CNTNAP5: variants seen among roughly 807,000 people sequenced by gnomAD.
CNTNAP5 encodes the protein contactin associated protein family member 5, also known as contactin-associated protein-like 5.
A neutral mutation model predicts 150.2 loss-of-function variants in CNTNAP5; 72 were observed. The observed-to-expected ratio is 0.48, with a 90% CI of 0.40 to 0.58. The LOEUF (loss-of-function observed/expected upper bound fraction) is 0.58. Ranked by LOEUF, CNTNAP5 falls within the 20% of genes least tolerant of loss-of-function variation. The probability of loss-of-function intolerance (pLI) is 0.00; values close to 1 mark genes in which losing one functional copy is unlikely to be tolerated. For synonymous variants in CNTNAP5, 672 were observed against 619.8 expected (o/e 1.08, Z -1.25); for missense variants, 1,636 against 1,626.2 (o/e 1.01, Z -0.10).
chr2:124,332,387 A>C (rs533015304), intron 3 of CNTNAP5, among the ~76,000 whole-genome samples: 18 of 151,380 alleles, frequency 1.2e-4, no homozygotes, highest in South Asian at 1.0e-3. Flanking sequence ...ATTATTAGCA[A>C]TTGTAAACCA....
chr2:124,231,183 T>G (rs1686609396), intron 2 of CNTNAP5, among the ~76,000 whole-genome samples: 1 of 152,178 alleles, frequency 6.6e-6, no homozygotes, highest in Admixed American at 6.5e-5. Context: ...TCACTGAACC[T>G]TTTGTTATTT....
intron 1 of CNTNAP5, among the ~76,000 whole-genome samples, chr2:124,154,220 T>A (rs1054236364): frequency 1.3e-5 from 2 of 152,164 alleles, no homozygotes; most frequent in Admixed American, 1.3e-4. Flanking sequence ...TTATTCTATG[T>A]CTGAGCCAGA....
At chr2:124,077,121 A>G (rs901474843) in intron 1 of CNTNAP5, among the ~76,000 whole-genome samples, 5 of 152,174 alleles carry the variant, frequency 3.3e-5, no homozygotes, top group African/African-American at 9.7e-5. Flanking sequence ...GCACAGTGGC[A>G]TATACAATTA....
chr2:124,171,933 G>A (rs1390852122), intron 1 of CNTNAP5, among the ~76,000 whole-genome samples: 8 of 152,148 alleles, frequency 5.3e-5, no homozygotes, highest in Non-Finnish European at 1.0e-4. Context: ...TCAAAGGCTG[G>A]CCATAGGACC....
At chr2:124,570,149 C>T (rs550207833) in intron 11 of CNTNAP5, among the ~76,000 whole-genome samples, 49 of 152,268 alleles carry the variant, frequency 3.2e-4, no homozygotes, top group Admixed American at 9.8e-4. Flanking sequence ...ATCCCTGACA[C>T]ATAGTAGATA....
chr2:124,189,376 G>A (rs934828707), intron 1 of CNTNAP5, among the ~76,000 whole-genome samples: 4 of 152,124 alleles, frequency 2.6e-5, no homozygotes, highest in Admixed American at 2.0e-4. Context: ...ACCCTGTGAG[G>A]TTTGGAGGTG....
intron 4 of CNTNAP5, among the ~76,000 whole-genome samples, chr2:124,429,039 A>G (rs1337305273): frequency 6.6e-6 from 1 of 152,208 alleles, no homozygotes; most frequent in Non-Finnish European, 1.5e-5. Flanking sequence ...GATTTCTATA[A>G]CCAGACCCCA....
At chr2:124,638,464 C>CT (rs1678019078) in intron 12 of CNTNAP5, among the ~76,000 whole-genome samples, 1 of 151,982 alleles carries the variant, frequency 6.6e-6, no homozygotes, top group Non-Finnish European at 1.5e-5. Context: ...CTTAAATTAA[C>CT]TTTTTTCTTT....
chr2:124,190,772 A>G (rs1685440477), intron 1 of CNTNAP5, among the ~76,000 whole-genome samples: 1 of 152,322 alleles, frequency 6.6e-6, no homozygotes, highest in East Asian at 1.9e-4. Flanking sequence ...ATATACAAGT[A>G]TTACACACAT....
At chr2:124,355,902 A>G (rs1337625724) in intron 3 of CNTNAP5, among the ~76,000 whole-genome samples, 1 of 152,194 alleles carries the variant, frequency 6.6e-6, no homozygotes, top group Non-Finnish European at 1.5e-5. Flanking sequence ...TGGAATATCT[A>G]GTGTCTAAAA....
intron 7 of CNTNAP5, among the ~76,000 whole-genome samples, chr2:124,485,405 A>G (rs1278394042): frequency 6.6e-6 from 1 of 151,966 alleles, no homozygotes; most frequent in Non-Finnish European, 1.5e-5. Flanking sequence ...CGAGGTCAGG[A>G]AATTGAGACC....
At chr2:124,870,393 T>C (rs1032652628) in intron 21 of CNTNAP5, among the ~76,000 whole-genome samples, 1 of 152,116 alleles carries the variant, frequency 6.6e-6, no homozygotes, top group Non-Finnish European at 1.5e-5. Flanking sequence ...TCTTTTCTCA[T>C]TCTTTTTCTT....
intron 3 of CNTNAP5, among the ~76,000 whole-genome samples, chr2:124,269,258 T>C (rs1225796091): frequency 1.3e-5 from 2 of 152,142 alleles, no homozygotes; most frequent in Non-Finnish European, 1.5e-5. Flanking sequence ...ATCCTTTTCA[T>C]AGTAACAAAA....
Position 124,491,755 on chromosome 2 carries a change from C to CTT in CNTNAP5, c.1063-12527_1063-12526dup, listed in dbSNP as rs779522824. ...TCTACATTCTCACCAATACTTGTAC[C>CTT]TTTTTTTTTTTCTTTTGGATAGCAG... is the stretch of plus-strand genomic sequence containing the variant. On this transcript the variant is annotated intron_variant, in intron 7 of 23. Coordinates refer to ENST00000682447, the MANE Select transcript of CNTNAP5 (RefSeq NM_001367498.1). 5.8e-3 allele frequency among the ~76,000 whole-genome samples: 850 copies of CTT among 146,532 alleles called. 9 individuals are homozygous for CTT. The highest frequency in any genetic ancestry group is 0.02 in the African/African-American group (798 of 40,164).
At chr2:124,798,418 TC>T in intron 19 of CNTNAP5, 98 bp downstream of exon 19, 1 of 853,478 alleles carries the variant, frequency 1.2e-6, no homozygotes, top group Non-Finnish European at 1.9e-6. Flanking sequence ...CTCAAGTTGG[TC>T]CCATCTGGGA....
chr2:124,338,933 G>A (rs1051489923), intron 3 of CNTNAP5, among the ~76,000 whole-genome samples: 16 of 152,206 alleles, frequency 1.1e-4, no homozygotes, highest in African/African-American at 3.9e-4. Flanking sequence ...CATGAATAAT[G>A]TCAAAAGAAG....
chr2:124,336,168 A>G (rs1259769366), intron 3 of CNTNAP5, among the ~76,000 whole-genome samples: 2 of 152,150 alleles, frequency 1.3e-5, no homozygotes, highest in Non-Finnish European at 2.9e-5. Flanking sequence ...GGACCATAGT[A>G]CAGATAATAG....
chr2:124,419,127 C>T (rs11677945), intron 4 of CNTNAP5, among the ~76,000 whole-genome samples: 16,435 of 49,346 alleles, frequency 0.33, 1,410 homozygotes, highest in Non-Finnish European at 0.44. Context: ...GGCGACAGAG[C>T]GAGACTCCTT....
chr2:124,099,971 TGGG>T (rs1438572736), intron 1 of CNTNAP5, among the ~76,000 whole-genome samples: 1 of 152,182 alleles, frequency 6.6e-6, no homozygotes, highest in Non-Finnish European at 1.5e-5. Flanking sequence ...TGAGATTAGG[TGGG>T]GACATAGATC....
Sources: allele counts gnomAD v4.1 joint callset (sites outside exome capture counted in the v4.1 genomes callset), GRCh38; gene constraint gnomAD v4.1.1; transcripts MANE v1.5; gene names NCBI Gene and HGNC (gene_info 2026-07-23, HGNC 2026-07-21).